The following SPHKAP variants were observed in gnomAD, a reference collection of about 807,000 sequenced individuals.
The protein encoded by SPHKAP is SPHK1 interactor, AKAP domain containing, also known as A-kinase anchor protein SPHKAP.
In SPHKAP, 67 loss-of-function variants were observed where a neutral mutation model predicts 137.5. The ratio of observed to expected loss-of-function variants is 0.49; its 90% CI spans 0.40 to 0.60. The LOEUF (loss-of-function observed/expected upper bound fraction) is 0.60, where lower values mean the gene tolerates loss of function less well. SPHKAP is among the 20% of genes least tolerant of loss of function. SPHKAP has a pLI of 0.00. For missense variants in SPHKAP, 2,097 were observed against 2,069.3 expected, an observed-to-expected ratio of 1.01 and a Z score of -0.26; for synonymous variants, 813 against 785.3, an observed-to-expected ratio of 1.04 and a Z score of -0.59.
At chr2:227,984,128 C>T (rs899080613) in intron 11 of SPHKAP, among the ~76,000 whole-genome samples, 3 of 151,910 alleles carry the variant, frequency 2.0e-5, no homozygotes, top group Non-Finnish European at 2.9e-5. Context: ...GTGAAAACCA[C>T]GTCTCTACTA....
chr2:228,143,268 G>A (rs1429420615), intron 1 of SPHKAP, among the ~76,000 whole-genome samples: 2 of 152,076 alleles, frequency 1.3e-5, no homozygotes, highest in African/African-American at 4.8e-5. Context: ...TGGGCCAGGT[G>A]CGGTGGCTCA....
chr2:228,181,494 T>C lies in SPHKAP; in HGVS notation c.32+73A>G. ...GCAAACCGAAGCGCTCTGGGGCAAGTTGGTGAGCGACTCACAACGCGGAAC... is the reference window on the plus strand; with the variant it reads ...GCAAACCGAAGCGCTCTGGGGCAAGCTGGTGAGCGACTCACAACGCGGAAC... On this transcript the variant is annotated intron_variant, in intron 1 of 11. Coordinates refer to ENST00000392056, the MANE Select transcript of SPHKAP (RefSeq NM_001142644.2). The surrounding 1 kb of genome is among the most constrained non-coding windows in gnomAD (Gnocchi z 4.3). The C allele has an allele frequency of 1.2e-6, 2 of 1,609,432 alleles. No homozygotes were observed. The highest frequency in any genetic ancestry group is 1.7e-6 in the Non-Finnish European group (2 of 1,175,918).
chr2:228,065,486 G>T (rs1432196547), intron 3 of SPHKAP, among the ~76,000 whole-genome samples: 1 of 152,184 alleles, frequency 6.6e-6, no homozygotes, highest in Admixed American at 6.5e-5. Flanking sequence ...AGTTGCTGCA[G>T]TGGAGACCGC....
chr2:228,003,676 T>C (rs1034994625), intron 7 of SPHKAP, among the ~76,000 whole-genome samples: 1 of 152,190 alleles, frequency 6.6e-6, no homozygotes, highest in Non-Finnish European at 1.5e-5. Flanking sequence ...TTTTGCCCAT[T>C]CAGTATGATA....
At chr2:228,031,750 C>T (rs538945503) in intron 3 of SPHKAP, among the ~76,000 whole-genome samples, 27 of 152,298 alleles carry the variant, frequency 1.8e-4, no homozygotes, top group African/African-American at 4.3e-4. Flanking sequence ...CTGTAGCCAC[C>T]GCTGCTGATA....
intron 3 of SPHKAP, among the ~76,000 whole-genome samples, chr2:228,046,868 G>T (rs1019219889): frequency 5.9e-5 from 9 of 152,040 alleles, no homozygotes; most frequent in African/African-American, 2.2e-4. Flanking sequence ...TCTGGGCAAG[G>T]GCAGCTGAGC....
intron 3 of SPHKAP, among the ~76,000 whole-genome samples, chr2:228,067,810 C>T (rs903391480): frequency 6.6e-6 from 1 of 152,066 alleles, no homozygotes; most frequent in Non-Finnish European, 1.5e-5. Flanking sequence ...ACAGTTGGTC[C>T]TCTGTATCTG....
Position 228,018,694 on chromosome 2 carries a change from C to T in SPHKAP, c.2160G>A (p.Thr720=), listed in dbSNP as rs200791159. The T allele has an allele frequency of 3.0e-5, 49 of 1,614,174 alleles. No individual in the cohort carries two copies. The highest frequency in any genetic ancestry group is 5.3e-5 in the African/African-American group (4 of 75,032). ...NQLLLDVICF[T]FKKMSHIVRL... is the part of the protein sequence containing the mutation. Reference sequence around the variant, plus strand: ...GTACAATATGACTCATCTTCTTGAACGTGAAGCATATCACATCTAAAAGCA... The same window carrying T: ...GTACAATATGACTCATCTTCTTGAATGTGAAGCATATCACATCTAAAAGCA... Residue 720 remains threonine, a synonymous_variant, in exon 7 of 12, where the codon ACG becomes ACA. Coordinates refer to ENST00000392056, the MANE Select transcript of SPHKAP (RefSeq NM_001142644.2).
At chr2:228,099,707 A>T (rs1698121375) in intron 3 of SPHKAP, among the ~76,000 whole-genome samples, 1 of 152,036 alleles carries the variant, frequency 6.6e-6, no homozygotes, top group Non-Finnish European at 1.5e-5. Context: ...TTATTTCAGC[A>T]GTATTATGTA....
At chr2:228,005,864 G>A (rs1388985229) in intron 7 of SPHKAP, among the ~76,000 whole-genome samples, 2 of 152,190 alleles carry the variant, frequency 1.3e-5, no homozygotes, top group Admixed American at 6.5e-5. Context: ...CTTTAAGAAT[G>A]TTGAATATTG....
intron 3 of SPHKAP, among the ~76,000 whole-genome samples, chr2:228,070,268 T>G (rs189818861): frequency 7.2e-5 from 11 of 152,282 alleles, no homozygotes; most frequent in Admixed American, 2.6e-4. Flanking sequence ...GACATAATTG[T>G]CATCTTCATG....
chr2:228,019,213 A>C lies in SPHKAP; in HGVS notation c.1641T>G (p.Pro547=). 4 of 1,613,860 alleles carry C rather than the reference A, an allele frequency of 2.5e-6. No homozygotes were observed. Among genetic ancestry groups the C allele is most frequent in the Non-Finnish European group, 3.4e-6 (4 of 1,180,036 alleles). ...ATGGAAAGGAGTACTCATTGATGGA[A>C]GGTTCCTTGAGTCCTTGGGGTGCTT... ...QTQAPQGLKE[P]SINEYSFPSA... The change falls in exon 7 of 12, where the codon CCT becomes CCG. Residue 547 remains proline, a synonymous_variant. Transcript: ENST00000392056.
At chr2:228,114,131 T>G (rs1483026830) in intron 2 of SPHKAP, among the ~76,000 whole-genome samples, 2 of 152,102 alleles carry the variant, frequency 1.3e-5, no homozygotes, top group Admixed American at 6.6e-5. Flanking sequence ...TTGTCTGCTA[T>G]TTTTAGTTAT....
chr2:228,056,200 C>T (rs1696438078), intron 3 of SPHKAP, among the ~76,000 whole-genome samples: 1 of 152,164 alleles, frequency 6.6e-6, no homozygotes, highest in Non-Finnish European at 1.5e-5. Context: ...TAATTATTTC[C>T]TGCTTTTTCT....
At chr2:228,027,669 T>C (rs2106230912) in intron 3 of SPHKAP, 126 bp from the exon 4 acceptor site, 1 of 968,834 alleles carries the variant, frequency 1.0e-6, no homozygotes, top group Non-Finnish European at 1.6e-6. Context: ...CAGTTTGGCA[T>C]AGAAATAGTC....
At chr2:228,157,899 G>A (rs1700153875) in intron 1 of SPHKAP, among the ~76,000 whole-genome samples, 1 of 152,164 alleles carries the variant, frequency 6.6e-6, no homozygotes, top group African/African-American at 2.4e-5. Flanking sequence ...TGTCACCAAG[G>A]AAACAAGGCA....
chr2:228,156,085 A>G (rs1474266426), intron 1 of SPHKAP, among the ~76,000 whole-genome samples: 2 of 151,742 alleles, frequency 1.3e-5, no homozygotes, highest in African/African-American at 4.8e-5. Context: ...AGAGAAAAAG[A>G]CTCTTATTTT....
intron 3 of SPHKAP, among the ~76,000 whole-genome samples, chr2:228,100,129 C>T (rs113465893): frequency 6.6e-6 from 1 of 152,118 alleles, no homozygotes; most frequent in East Asian, 1.9e-4. Flanking sequence ...GGATTACAAG[C>T]GTGAGCCACT....
intron 1 of SPHKAP, among the ~76,000 whole-genome samples, chr2:228,133,620 T>G (rs916160236): frequency 7.2e-5 from 11 of 152,210 alleles, no homozygotes; most frequent in Admixed American, 7.2e-4. Flanking sequence ...CATAATCTGA[T>G]AGTTCTGTAT....
Sources: allele counts gnomAD v4.1 joint callset (sites outside exome capture counted in the v4.1 genomes callset), GRCh38; gene constraint gnomAD v4.1.1; non-coding constraint Gnocchi (gnomAD v3.1); transcripts MANE v1.5; gene names NCBI Gene and HGNC (gene_info 2026-07-23, HGNC 2026-07-21).